Variants in OSM observed in about 807,000 individuals in gnomAD.
OSM encodes oncostatin M.
A neutral mutation model predicts 6.3 loss-of-function variants in OSM; 1 was observed. The ratio of observed to expected loss-of-function variants is 0.16; its 90% CI spans 0.06 to 0.76. The LOEUF is 0.76. OSM is among the 30% of genes least tolerant of loss of function. OSM has a pLI of 0.77. For missense variants in OSM, 324 were observed against 336.9 expected (o/e 0.96, Z 0.30); for synonymous variants, 135 against 143.4 (o/e 0.94, Z 0.42).
At chr22:30,265,294 G>A (rs945653552) in intron 1 of OSM, 150 bp from the exon 2 acceptor site, 8 of 1,466,102 alleles carry the variant, frequency 5.5e-6, no homozygotes, top group Admixed American at 2.5e-5. Flanking sequence ...TGTGTGGCAC[G>A]GTGTGTGCCC....
chr22:30,264,881 C>A, intron 2 of OSM, 121 bp downstream of exon 2: 3 of 1,220,056 alleles, frequency 2.5e-6, no homozygotes, highest in Non-Finnish European at 3.5e-6. Context: ...AATAACATAG[C>A]GACTCAGTTC....
chr22:30,264,491 T>C, intron 2 of OSM, 27 bp from the exon 3 acceptor site: 1 of 1,562,128 alleles, frequency 6.4e-7, no homozygotes, highest in Middle Eastern at 1.7e-4. Context: ...GATCACAGGG[T>C]GAATGCTGAG....
chr22:30,264,146 T>C lies in OSM; in HGVS notation c.496A>G (p.Thr166Ala). ...LLDNSDTAEP[T>A]KAGRGASQPP... ...TGAGAGGCCCCCCGGCCAGCCTTCG[T>C]GGGCTCAGCCGTGTCTGAGTTGTCC... Residue 166 changes from threonine (T) to alanine (A), a missense_variant, in exon 3 of 3, where the codon ACG (threonine) becomes GCG (alanine). Coordinates refer to ENST00000215781, the MANE Select transcript of OSM (RefSeq NM_020530.6). The C allele has an allele frequency of 6.2e-7, 1 of 1,613,254 alleles. No individual in the cohort carries two copies. The highest frequency in any genetic ancestry group is 8.5e-7 in the Non-Finnish European group (1 of 1,179,626).
rs1929393878 is a variant in OSM, at chr22:30,266,420, C to T, written c.34+346G>A. Among the ~76,000 whole-genome samples the T allele has an allele frequency of 6.6e-6, 1 of 152,130 alleles. No homozygotes were observed. The highest frequency in any genetic ancestry group is 2.1e-4 in the South Asian group (1 of 4,832). On this transcript the variant is annotated intron_variant, in intron 1 of 2. Coordinates refer to ENST00000215781, the MANE Select transcript of OSM (RefSeq NM_020530.6). This position sits in a 1 kb window ranked among gnomAD's most constrained non-coding sequence, Gnocchi z 5.0. ...AGCTGGAGGCCCCACAACCCCTCCA[C>T]ACCTCACACCACTTCCCTGCCCAGC...
Position 30,263,947 on chromosome 22 carries a change from AC to A in OSM, c.694del (p.Val232CysfsTer14), listed in dbSNP as rs770145705. 5.9e-6 allele frequency: 9 copies of A among 1,521,536 alleles called. No individual in the cohort carries two copies. The South Asian group carries it at 1.1e-4, about 18-fold the overall frequency. 94.3% of individuals were successfully genotyped at this position (1,521,536 alleles called of 1,614,324 possible). A position where few individuals can be genotyped will look rare whatever the true frequency, so the allele number is the denominator to read the frequency against. On this transcript the variant is annotated frameshift_variant, in exon 3 of 3. Transcript: ENST00000215781. LOFTEE classifies it low-confidence loss of function (END_TRUNC). ...HSPHQALRKG[V>X]RRTRPSRKGK... ...TTTCCTGGAGGGTCTGGTCCTGCGC[AC>A]CCCCTTCCTCAGGGCCTGGTGGGGG...
intron 2 of OSM, 151 bp downstream of exon 2, chr22:30,264,851 C>T: frequency 9.7e-7 from 1 of 1,029,828 alleles, no homozygotes; most frequent in East Asian, 2.4e-5. Context: ...CCAGCCTTAG[C>T]TCCTCAGGGT....
intron 1 of OSM, chr22:30,265,751 C>T (rs1205210732): frequency 8.5e-5 from 13 of 153,550 alleles, no homozygotes; most frequent in Admixed American, 8.4e-4. Context: ...TAAACCAAGT[C>T]TCAGGAGAAG....
In OSM at chr22:30,263,116, C is replaced by T. The variant is rs201151524; in HGVS notation, c.*767G>A. ...GTGGGTCTGCTTTTACAGAGACCTC[C>T]GTGTACACCTCCCAGCGCCATTTGC... On this transcript the variant is annotated 3_prime_UTR_variant, in exon 3 of 3. Coordinates refer to ENST00000215781, the MANE Select transcript of OSM (RefSeq NM_020530.6). 6.5e-6 allele frequency: 1 copy of T among 152,744 alleles called. No homozygotes were observed. The highest frequency in any genetic ancestry group is 1.5e-5 in the Non-Finnish European group (1 of 68,042). The allele number at this position is 152,744 out of a possible 1,614,324, so 9.5% of individuals were successfully genotyped here.
chr22:30,263,897 G>A lies in OSM; in HGVS notation c.745C>T (p.Gln249Ter). 1 of 1,501,472 alleles carries A rather than the reference G, an allele frequency of 6.7e-7. No homozygotes were observed. The allele number at this position is 1,501,472 out of a possible 1,614,324, so 93.0% of individuals were successfully genotyped here. A position where few individuals can be genotyped will look rare whatever the true frequency, so the allele number is the denominator to read the frequency against. The change falls in exon 3 of 3, where the codon CAG becomes TAG. Residue 249 changes from glutamine (Q) to a stop codon, truncating the protein, a stop_gained. Transcript: ENST00000215781. LOFTEE classifies it high-confidence loss of function. ...RKGKRLMTRG[Q>*]LPR ...TGCTCTCGAGGCTACCGGGGCAGCTGTCCCCTGGTCATGAGTCTCTTGCCT... is the reference window on the plus strand; with the variant it reads ...TGCTCTCGAGGCTACCGGGGCAGCTATCCCCTGGTCATGAGTCTCTTGCCT...
chr22:30,266,666 C>T lies in OSM; in HGVS notation c.34+100G>A, dbSNP rs1435379140. 25 of 1,372,226 alleles carry T rather than the reference C, an allele frequency of 1.8e-5. No homozygotes were observed. The highest frequency in any genetic ancestry group is 9.1e-5 in the Admixed American group (5 of 55,072). The allele number at this position is 1,372,226 out of a possible 1,614,324, so 85.0% of individuals were successfully genotyped here. A position where few individuals can be genotyped will look rare whatever the true frequency, so the allele number is the denominator to read the frequency against. Reference sequence around the variant, plus strand: ...AGCATCCTTCTGCCTGGCGCCTGGCCTCCCCAGTTCCCGGAGGGCAGAGGG... The same window carrying T: ...AGCATCCTTCTGCCTGGCGCCTGGCTTCCCCAGTTCCCGGAGGGCAGAGGG... On this transcript the variant is annotated intron_variant, in intron 1 of 2. Transcript: ENST00000215781. The surrounding 1 kb of genome is among the most constrained non-coding windows in gnomAD (Gnocchi z 5.0).
rs201386249 is a variant in OSM, at chr22:30,263,686, C to T, written c.*197G>A. 4.8e-5 allele frequency: 21 copies of T among 436,430 alleles called. No homozygotes were observed. Among genetic ancestry groups the T allele is most frequent in the Middle Eastern group, 5.8e-4 (1 of 1,732 alleles). The allele number at this position is 436,430 out of a possible 1,614,324, so 27.0% of individuals were successfully genotyped here. On this transcript the variant is annotated 3_prime_UTR_variant, in exon 3 of 3. Coordinates refer to ENST00000215781, the MANE Select transcript of OSM (RefSeq NM_020530.6). ...GGGGAACTTGGGGCTGAGGTGGGAG[C>T]GCAACAGCCTGACTCTGTCTCCCAG... is the stretch of plus-strand genomic sequence containing the variant.
rs1034965727 is a variant in OSM at position 30,262,949 on chromosome 22, T to C, written c.*934A>G. On this transcript the variant is annotated 3_prime_UTR_variant, in exon 3 of 3. Transcript: ENST00000215781. ...TTGATAAAAATCGATAAATTAGTCA[T>C]GTCCCTCCAAGGAACTGGCCTCGCA... is the stretch of plus-strand genomic sequence containing the variant. 1 of 152,804 alleles carries C rather than the reference T, an allele frequency of 6.5e-6. No individual in the cohort carries two copies. Among genetic ancestry groups the C allele is most frequent in the Non-Finnish European group, 1.5e-5 (1 of 68,040 alleles). 9.5% of individuals were successfully genotyped at this position (152,804 alleles called of 1,614,324 possible).
At chr22:30,264,901 G>T in intron 2 of OSM, 101 bp downstream of exon 2, 1 of 1,378,822 alleles carries the variant, frequency 7.3e-7, no homozygotes, top group Non-Finnish European at 1.0e-6. Context: ...CCCCGACCTG[G>T]CCATATGGAG....
At position 30,265,097 on chromosome 22, in the gene OSM, T is replaced by G. The variant is rs1298379649; in HGVS notation, c.82A>C (p.Ile28Leu). The change falls in exon 2 of 3, where the codon ATA (isoleucine) becomes CTA (leucine). Residue 28 changes from isoleucine to leucine, a missense_variant. Coordinates refer to ENST00000215781, the MANE Select transcript of OSM (RefSeq NM_020530.6). ...CGGTACTCTTTCGAGCAGCTGCCTA[T>G]AGCCGCCATGCTCGCCATGCTTGGA... ...LFPSMASMAA[I>L]GSCSKEYRVL... 2 of 1,614,176 alleles carry G rather than the reference T, an allele frequency of 1.2e-6. No homozygotes were observed. The highest frequency in any genetic ancestry group is 2.2e-5 in the South Asian group (2 of 91,084).
chr22:30,266,836 G>A lies in OSM; in HGVS notation c.-37C>T, dbSNP rs1929405288. The A allele has an allele frequency of 6.2e-7, 1 of 1,606,054 alleles. No individual in the cohort carries two copies. Among genetic ancestry groups the A allele is most frequent in the East Asian group, 2.3e-5 (1 of 44,296 alleles). ...GTGCTCCGGCCCGCGCCCGCTGGGGGTGACACCTCTCGGCTGGGAGCCCTG... is the reference window on the plus strand; with the variant it reads ...GTGCTCCGGCCCGCGCCCGCTGGGGATGACACCTCTCGGCTGGGAGCCCTG... On this transcript the variant is annotated 5_prime_UTR_variant, in exon 1 of 3. Coordinates refer to ENST00000215781, the MANE Select transcript of OSM (RefSeq NM_020530.6). The surrounding 1 kb of genome is among the most constrained non-coding windows in gnomAD (Gnocchi z 5.0).
intron 2 of OSM, 93 bp downstream of exon 2, chr22:30,264,909 G>A (rs759583156): frequency 2.8e-5 from 41 of 1,446,948 alleles, no homozygotes; most frequent in Non-Finnish European, 3.7e-5. Context: ...TGGCCATATG[G>A]AGTGGGGCTA....
chr22:30,265,487 ACT>A lies in OSM; in HGVS notation c.35-345_35-344del, dbSNP rs1929367960. 11 of 902,196 alleles carry A rather than the reference ACT, an allele frequency of 1.2e-5. No homozygotes were observed. The South Asian group carries it at 3.9e-4, about 32-fold the overall frequency. The allele number at this position is 902,196 out of a possible 1,614,324, so 55.9% of individuals were successfully genotyped here. A position where few individuals can be genotyped will look rare whatever the true frequency, so the allele number is the denominator to read the frequency against. Reference sequence around the variant, plus strand: ...AGCACGGTTCTAACCTCGGGAGCTGACTCTCTGCAAGGTGGGACTGGCTCCCT... The same window carrying A: ...AGCACGGTTCTAACCTCGGGAGCTGACTCTGCAAGGTGGGACTGGCTCCCT... On this transcript the variant is annotated intron_variant, in intron 1 of 2. Coordinates refer to ENST00000215781, the MANE Select transcript of OSM (RefSeq NM_020530.6).
chr22:30,265,217 C>T lies in OSM; in HGVS notation c.35-73G>A, dbSNP rs1427293276. On this transcript the variant is annotated intron_variant, in intron 1 of 2. Transcript: ENST00000215781. Reference sequence around the variant, plus strand: ...AGATGGGAGCCTCGGGGAGGGGGTTCAAGAGGGCCTTGAAAGGTGCCTCCT... The same window carrying T: ...AGATGGGAGCCTCGGGGAGGGGGTTTAAGAGGGCCTTGAAAGGTGCCTCCT... The T allele has an allele frequency of 3.2e-6, 5 of 1,558,152 alleles. No individual in the cohort carries two copies. In the East Asian group the frequency reaches 1.1e-4, roughly 35 times the overall value.
At position 30,266,012 on chromosome 22, in the gene OSM, G is replaced by A. The variant is rs976974580; in HGVS notation, c.34+754C>T. ...ATCGTTCCCGTCCTAAGAACCATCC[G>A]GCCCTTTGGGGAAGACTGGCTGTTG... is the stretch of plus-strand genomic sequence containing the variant. On this transcript the variant is annotated intron_variant, in intron 1 of 2. Transcript: ENST00000215781. This position sits in a 1 kb window ranked among gnomAD's most constrained non-coding sequence, Gnocchi z 5.0. Among the ~76,000 whole-genome samples, 3 of 152,262 alleles carry A rather than the reference G, an allele frequency of 2.0e-5. No homozygotes were observed. The highest frequency in any genetic ancestry group is 2.9e-5 in the Non-Finnish European group (2 of 68,044).
Sources: gnomAD v4.1 joint callset for allele counts (sites outside exome capture counted in the v4.1 genomes callset) on GRCh38, gnomAD v4.1.1 for gene constraint, Gnocchi (gnomAD v3.1) non-coding constraint, MANE v1.5 for transcripts, NCBI Gene and HGNC (gene_info 2026-07-23, HGNC 2026-07-21) for gene names.